Variants in ASCC3 observed in about 807,000 individuals in gnomAD.
The protein encoded by ASCC3 is activating signal cointegrator 1 complex subunit 3.
Under a neutral mutation model 256.3 loss-of-function variants are expected in ASCC3, and 158 were observed. The ratio of observed to expected loss-of-function variants is 0.62; its 90% CI spans 0.54 to 0.70. The LOEUF (loss-of-function observed/expected upper bound fraction) is 0.70, where lower values mean the gene tolerates loss of function less well. Among genes scored for constraint, ASCC3 ranks in the 30% least tolerant of loss-of-function variants. The pLI, the probability that ASCC3 is intolerant of heterozygous loss-of-function variation, is 0.00. For synonymous variants in ASCC3, 948 were observed against 883.4 expected (o/e 1.07, Z -1.30); for missense variants, 2,259 against 2,626.0 (o/e 0.86, Z 3.05).
chr6:100,603,623 C>G (rs1406423666), intron 33 of ASCC3, among the ~76,000 whole-genome samples: 1 of 152,084 alleles, frequency 6.6e-6, no homozygotes, highest in Non-Finnish European at 1.5e-5. Context: ...AACATTCCCT[C>G]ATACTCCTGC....
intron 13 of ASCC3, among the ~76,000 whole-genome samples, chr6:100,714,649 A>T (rs970231313): frequency 8.2e-5 from 12 of 145,880 alleles, no homozygotes; most frequent in African/African-American, 2.7e-4. Context: ...AGCAACTATT[A>T]TTCTTGCTAG....
At chr6:100,859,178 C>T (rs1279344031) in intron 3 of ASCC3, 1 of 780,028 alleles carries the variant, frequency 1.3e-6, no homozygotes, top group African/African-American at 1.7e-5. Flanking sequence ...ATCCAGCCTC[C>T]TCTTCTGGAA....
chr6:100,608,069 T>TATATATGTATATATCGATATAC (rs1773008069), intron 30 of ASCC3, among the ~76,000 whole-genome samples: 2 of 92,200 alleles, frequency 2.2e-5, no homozygotes, highest in East Asian at 4.0e-4. Context: ...CACATATATA[T>TATATATGTATATATCGATATAC]ACATATATAT....
At chr6:100,661,714 A>T (rs1355767043) in intron 16 of ASCC3, 92 bp downstream of exon 16, 1 of 1,306,660 alleles carries the variant, frequency 7.7e-7, no homozygotes, top group African/African-American at 1.5e-5. Flanking sequence ...AATCCTAAAC[A>T]CTACAAAACA....
At chr6:100,742,249 G>T (rs969644906) in intron 10 of ASCC3, among the ~76,000 whole-genome samples, 3 of 152,134 alleles carry the variant, frequency 2.0e-5, no homozygotes, top group Non-Finnish European at 4.4e-5. Context: ...TCCTTTGGAA[G>T]CTCCATCCCA....
intron 20 of ASCC3, among the ~76,000 whole-genome samples, chr6:100,649,127 G>A (rs986392344): frequency 6.6e-6 from 1 of 151,756 alleles, no homozygotes; most frequent in African/African-American, 2.4e-5. Context: ...CATAATGGCT[G>A]TTTAAGAAAA....
At chr6:100,546,130 A>G (rs1023779115) in intron 36 of ASCC3, among the ~76,000 whole-genome samples, 14 of 152,202 alleles carry the variant, frequency 9.2e-5, no homozygotes, top group African/African-American at 2.7e-4. Flanking sequence ...AATCAGAAAT[A>G]AAAAAGGAAT....
intron 16 of ASCC3, among the ~76,000 whole-genome samples, chr6:100,660,637 T>C (rs1776146167): frequency 1.3e-5 from 2 of 151,706 alleles, no homozygotes; most frequent in African/African-American, 4.8e-5. Context: ...TGAATGACTG[T>C]CCCAATTCTG....
chr6:100,761,914 C>A (rs929435689), intron 10 of ASCC3, among the ~76,000 whole-genome samples: 1 of 152,148 alleles, frequency 6.6e-6, no homozygotes, highest in African/African-American at 2.4e-5. Context: ...CCTTTATTCC[C>A]ACCCTTATCC....
At chr6:100,871,861 C>A (rs896864635) in intron 1 of ASCC3, among the ~76,000 whole-genome samples, 3 of 152,160 alleles carry the variant, frequency 2.0e-5, no homozygotes, top group African/African-American at 7.2e-5. Flanking sequence ...TTTCTCAATT[C>A]TCCCAAGAAT....
chr6:100,767,443 A>G, intron 8 of ASCC3, 98 bp from the exon 9 acceptor site: 1 of 1,274,906 alleles, frequency 7.8e-7, no homozygotes, highest in African/African-American at 1.5e-5. Flanking sequence ...TTTTTTAAAA[A>G]AAAGACTAAT....
intron 10 of ASCC3, among the ~76,000 whole-genome samples, chr6:100,734,562 G>C (rs1780057188): frequency 6.6e-6 from 1 of 152,062 alleles, no homozygotes; most frequent in African/African-American, 2.4e-5. Context: ...TACCTTTTAG[G>C]TTTCTTGTGA....
At chr6:100,693,761 T>C (rs1184742284) in intron 13 of ASCC3, among the ~76,000 whole-genome samples, 4 of 152,190 alleles carry the variant, frequency 2.6e-5, no homozygotes, top group Non-Finnish European at 5.9e-5. Context: ...TTAATCTTTA[T>C]GTAAATTATG....
intron 3 of ASCC3, among the ~76,000 whole-genome samples, chr6:100,854,441 A>G (rs186738239): frequency 1.0e-3 from 154 of 152,310 alleles, no homozygotes; most frequent in Middle Eastern, 3.4e-3. Context: ...AGTAATTTGA[A>G]GGAGTTACTT....
At chr6:100,798,620 T>C in intron 8 of ASCC3, 93 bp downstream of exon 8, 2 of 1,589,164 alleles carry the variant, frequency 1.3e-6, no homozygotes, top group African/African-American at 1.3e-5. Context: ...ATTTGCCAAC[T>C]AATAATGTTT....
At chr6:100,603,817 C>A (rs1377172175) in intron 33 of ASCC3, among the ~76,000 whole-genome samples, 2 of 151,898 alleles carry the variant, frequency 1.3e-5, no homozygotes, top group African/African-American at 2.4e-5. Context: ...TCTTTTTATA[C>A]ATTGCTTGAT....
chr6:100,705,676 C>T (rs115434831), intron 13 of ASCC3, among the ~76,000 whole-genome samples: 4 of 151,718 alleles, frequency 2.6e-5, no homozygotes, highest in Admixed American at 2.6e-4. Flanking sequence ...AAGGGGCAGG[C>T]AGCATGAGGT....
chr6:100,664,958 A>G (rs1268186533), intron 14 of ASCC3, among the ~76,000 whole-genome samples: 1 of 152,190 alleles, frequency 6.6e-6, no homozygotes, highest in Non-Finnish European at 1.5e-5. Flanking sequence ...GGCTCCCTGC[A>G]TTGAAATGTT....
chr6:100,577,479 G>A (rs989202845), intron 36 of ASCC3, among the ~76,000 whole-genome samples: 2 of 152,032 alleles, frequency 1.3e-5, no homozygotes, highest in African/African-American at 4.8e-5. Context: ...CTTTCTCTCT[G>A]ATGTCCTTTT....
Sources: allele counts gnomAD v4.1 joint callset (sites outside exome capture counted in the v4.1 genomes callset), GRCh38; gene constraint gnomAD v4.1.1; transcripts MANE v1.5; gene names NCBI Gene and HGNC (gene_info 2026-07-23, HGNC 2026-07-21).